The following CLSTN2 variants were observed in gnomAD, a reference collection of about 807,000 sequenced individuals.
CLSTN2 encodes calsyntenin 2.
CLSTN2 carries 48 observed loss-of-function variants against 101.2 expected under a neutral mutation model. That is an observed-to-expected ratio of 0.47 (90% confidence interval 0.38 to 0.60). The LOEUF is 0.60. CLSTN2 is among the 20% of genes least tolerant of loss of function. CLSTN2 has a pLI of 0.00. For missense variants in CLSTN2, 1,160 were observed against 1,238.2 expected (o/e 0.94, Z 0.95); for synonymous variants, 481 against 463.6 (o/e 1.04, Z -0.48).
chr3:140,122,934 T>C (rs1286996944), intron 1 of CLSTN2, among the ~76,000 whole-genome samples: 5 of 152,198 alleles, frequency 3.3e-5, no homozygotes, highest in Admixed American at 3.3e-4. Flanking sequence ...GGCCAAAGTT[T>C]GTCAACATTG....
chr3:140,043,504 G>C (rs2007803640), intron 1 of CLSTN2, among the ~76,000 whole-genome samples: 1 of 152,134 alleles, frequency 6.6e-6, no homozygotes. Flanking sequence ...AGTTTCTTTT[G>C]CTAGGCAGAA....
intron 2 of CLSTN2, among the ~76,000 whole-genome samples, chr3:140,349,436 T>A (rs1207066640): frequency 6.6e-6 from 1 of 152,222 alleles, no homozygotes; most frequent in African/African-American, 2.4e-5. Flanking sequence ...TAAAGGCTCG[T>A]GTTCTCTTTT....
At chr3:140,198,727 A>G (rs1376462368) in intron 2 of CLSTN2, among the ~76,000 whole-genome samples, 1 of 152,222 alleles carries the variant, frequency 6.6e-6, no homozygotes, top group East Asian at 1.9e-4. Flanking sequence ...TTAGGCCATT[A>G]TGTAGGTACT....
At chr3:140,185,942 A>C (rs2010479946) in intron 2 of CLSTN2, among the ~76,000 whole-genome samples, 1 of 151,826 alleles carries the variant, frequency 6.6e-6, no homozygotes, top group Non-Finnish European at 1.5e-5. Flanking sequence ...ACTTTTATCC[A>C]CTCTATCTCT....
chr3:140,536,913 G>C (rs916136102), intron 9 of CLSTN2, among the ~76,000 whole-genome samples: 1 of 152,222 alleles, frequency 6.6e-6, no homozygotes, highest in Non-Finnish European at 1.5e-5. Context: ...CTTTGTTAAA[G>C]ACCTTGGATT....
At chr3:140,329,971 G>T (rs930254187) in intron 2 of CLSTN2, among the ~76,000 whole-genome samples, 4 of 152,244 alleles carry the variant, frequency 2.6e-5, no homozygotes, top group Admixed American at 6.5e-5. Context: ...CTGAGAACTG[G>T]CAGGATGTGA....
chr3:140,255,039 C>G (rs2086593995), intron 2 of CLSTN2, among the ~76,000 whole-genome samples: 1 of 152,046 alleles, frequency 6.6e-6, no homozygotes, highest in Non-Finnish European at 1.5e-5. Context: ...GGCTGATAAG[C>G]ACATGAAAAT....
chr3:140,428,574 C>T (rs781009518), intron 5 of CLSTN2, among the ~76,000 whole-genome samples: 6 of 152,158 alleles, frequency 3.9e-5, no homozygotes, highest in Non-Finnish European at 5.9e-5. Context: ...CCTTCTTTGT[C>T]TGCTCACCTC....
intron 1 of CLSTN2, among the ~76,000 whole-genome samples, chr3:140,121,372 AAG>A (rs1339559395): frequency 1.3e-5 from 2 of 152,152 alleles, no homozygotes; most frequent in African/African-American, 4.8e-5. Flanking sequence ...AACCAGAAGC[AAG>A]AGACAAGGGA....
intron 1 of CLSTN2, among the ~76,000 whole-genome samples, chr3:140,029,322 A>G (rs1314124803): frequency 6.6e-6 from 1 of 152,252 alleles, no homozygotes; most frequent in Non-Finnish European, 1.5e-5. Context: ...CTACATTTTT[A>G]CATCTTAAAG....
chr3:140,499,216 A>G (rs796414217), intron 8 of CLSTN2, among the ~76,000 whole-genome samples: 12 of 152,256 alleles, frequency 7.9e-5, no homozygotes, highest in African/African-American at 2.9e-4. Flanking sequence ...CTAACCCACT[A>G]TGGAGCCCTT....
At chr3:140,211,145 A>G (rs1249023643) in intron 2 of CLSTN2, among the ~76,000 whole-genome samples, 1 of 151,930 alleles carries the variant, frequency 6.6e-6, no homozygotes, top group Non-Finnish European at 1.5e-5. Flanking sequence ...CTGTCAGGAG[A>G]GTGGAGACCT....
At chr3:140,512,742 T>G (rs1934839701) in intron 8 of CLSTN2, among the ~76,000 whole-genome samples, 1 of 152,244 alleles carries the variant, frequency 6.6e-6, no homozygotes, top group Non-Finnish European at 1.5e-5. Context: ...TTCCTATTCA[T>G]GATCATAGAA....
At chr3:140,028,705 C>T (rs2007474888) in intron 1 of CLSTN2, among the ~76,000 whole-genome samples, 2 of 152,118 alleles carry the variant, frequency 1.3e-5, no homozygotes, top group Non-Finnish European at 2.9e-5. Context: ...GGCGCCAAGG[C>T]CATAAATGGT....
intron 6 of CLSTN2, among the ~76,000 whole-genome samples, chr3:140,453,619 C>T (rs1277476446): frequency 6.6e-6 from 1 of 152,112 alleles, no homozygotes; most frequent in African/African-American, 2.4e-5. Flanking sequence ...TTTGAATGTT[C>T]TCACCCCCAA....
At chr3:140,369,878 C>A (rs1270720249) in intron 2 of CLSTN2, among the ~76,000 whole-genome samples, 2 of 152,194 alleles carry the variant, frequency 1.3e-5, no homozygotes, top group African/African-American at 2.4e-5. Flanking sequence ...CCAGTAGGCT[C>A]CCTGTAAGTT....
intron 1 of CLSTN2, among the ~76,000 whole-genome samples, chr3:140,090,011 G>A (rs2008749590): frequency 9.3e-6 from 1 of 107,406 alleles, no homozygotes; most frequent in Admixed American, 1.3e-4. Flanking sequence ...AACAGACTGA[G>A]TATATATTGG....
intron 2 of CLSTN2, among the ~76,000 whole-genome samples, chr3:140,311,791 G>C (rs1371627614): frequency 6.6e-6 from 1 of 152,078 alleles, no homozygotes; most frequent in Non-Finnish European, 1.5e-5. Context: ...AGTAAGTGTG[G>C]CCAGGATTTC....
intron 2 of CLSTN2, among the ~76,000 whole-genome samples, chr3:140,201,874 GA>G (rs548435493): frequency 4.6e-5 from 7 of 151,642 alleles, no homozygotes; most frequent in Admixed American, 1.3e-4. Context: ...ACAAAATGAG[GA>G]AAAAAAACCT....
Sources: gnomAD v4.1 joint callset for allele counts (sites outside exome capture counted in the v4.1 genomes callset) on GRCh38, gnomAD v4.1.1 for gene constraint, MANE v1.5 for transcripts, NCBI Gene and HGNC (gene_info 2026-07-23, HGNC 2026-07-21) for gene names.